The following SLC24A3 variants were observed in gnomAD, a reference collection of about 807,000 sequenced individuals.
SLC24A3 encodes sodium/potassium/calcium exchanger 3.
In SLC24A3, 28 loss-of-function variants were observed where a neutral mutation model predicts 75.8. The observed-to-expected ratio is 0.37, with a 90% CI of 0.27 to 0.51. The LOEUF (loss-of-function observed/expected upper bound fraction) is 0.51. Among genes scored for constraint, SLC24A3 ranks in the 20% least tolerant of loss-of-function variants. The pLI, the probability that SLC24A3 is intolerant of heterozygous loss-of-function variation, is 0.94. For synonymous variants in SLC24A3, 372 were observed against 334.1 expected (o/e 1.11, Z -1.24); for missense variants, 663 against 847.8 (o/e 0.78, Z 2.71).
intron 13 of SLC24A3, chr20:19,694,821 G>A (rs2032786557): frequency 6.6e-6 from 1 of 152,364 alleles, no homozygotes; most frequent in South Asian, 2.1e-4. Context: ...CACCTGAGCA[G>A]TCTGCTCCCC....
intron 6 of SLC24A3, among the ~76,000 whole-genome samples, chr20:19,595,666 A>G (rs1376625054): frequency 2.0e-5 from 3 of 152,200 alleles, no homozygotes; most frequent in African/African-American, 7.2e-5. Flanking sequence ...GGTGAACAAA[A>G]CAGGAAAGGT....
intron 2 of SLC24A3, among the ~76,000 whole-genome samples, chr20:19,289,494 C>T (rs967397453): frequency 1.3e-5 from 2 of 152,176 alleles, no homozygotes; most frequent in East Asian, 1.9e-4. Context: ...CAGGCACCCC[C>T]GGAGCAGTGA....
At chr20:19,446,865 C>T (rs1004371496) in intron 2 of SLC24A3, among the ~76,000 whole-genome samples, 3 of 152,234 alleles carry the variant, frequency 2.0e-5, no homozygotes, top group African/African-American at 4.8e-5. Context: ...TCGTCGTCAG[C>T]TGCAGCCCAT....
At chr20:19,639,939 G>A (rs1600315928) in intron 6 of SLC24A3, among the ~76,000 whole-genome samples, 2 of 152,382 alleles carry the variant, frequency 1.3e-5, no homozygotes, top group South Asian at 4.1e-4. Flanking sequence ...TGCGGGGGCT[G>A]CCAAGACCAC....
intron 1 of SLC24A3, among the ~76,000 whole-genome samples, chr20:19,251,721 C>T (rs566714022): frequency 2.0e-5 from 3 of 152,290 alleles, no homozygotes; most frequent in African/African-American, 7.2e-5. Context: ...AGAATTAAAT[C>T]TTATCTGCCT....
chr20:19,269,841 A>G (rs1482666536), intron 1 of SLC24A3, among the ~76,000 whole-genome samples: 1 of 152,016 alleles, frequency 6.6e-6, no homozygotes, highest in Non-Finnish European at 1.5e-5. Context: ...AATAGTTGAG[A>G]CCCAGCAGGC....
chr20:19,376,967 G>A (rs1436549792), intron 2 of SLC24A3, among the ~76,000 whole-genome samples: 1 of 152,288 alleles, frequency 6.6e-6, no homozygotes, highest in East Asian at 1.9e-4. Flanking sequence ...GCAGTTCAGT[G>A]TTAGCAGAGG....
At chr20:19,672,969 TC>T (rs1225996266) in intron 8 of SLC24A3, among the ~76,000 whole-genome samples, 1 of 152,182 alleles carries the variant, frequency 6.6e-6, no homozygotes, top group Non-Finnish European at 1.5e-5. Flanking sequence ...GAAAACAAGC[TC>T]CTGGTTTTTA....
chr20:19,357,127 G>A (rs1342190275), intron 2 of SLC24A3, among the ~76,000 whole-genome samples: 2 of 152,186 alleles, frequency 1.3e-5, no homozygotes, highest in African/African-American at 2.4e-5. Flanking sequence ...GAGAGAGGCA[G>A]TGGGAGATTA....
intron 2 of SLC24A3, among the ~76,000 whole-genome samples, chr20:19,465,379 G>T (rs567060424): frequency 1.1e-3 from 117 of 110,806 alleles, no homozygotes; most frequent in African/African-American, 3.6e-3. Flanking sequence ...CAGGGCTGGA[G>T]AATTTTTTTT....
chr20:19,471,414 C>G (rs184746162), intron 2 of SLC24A3, among the ~76,000 whole-genome samples: 124 of 152,290 alleles, frequency 8.1e-4, no homozygotes, highest in Non-Finnish European at 1.6e-3. Flanking sequence ...ATTGCTAATG[C>G]ATTTCTCTTT....
At chr20:19,309,742 T>C (rs1223298917) in intron 2 of SLC24A3, among the ~76,000 whole-genome samples, 3 of 152,360 alleles carry the variant, frequency 2.0e-5, no homozygotes, top group Middle Eastern at 3.4e-3. Context: ...GCTTCTTCTC[T>C]GTGTGGCAGC....
chr20:19,634,377 G>T (rs2031974139), intron 6 of SLC24A3, among the ~76,000 whole-genome samples: 1 of 152,084 alleles, frequency 6.6e-6, no homozygotes, highest in South Asian at 2.1e-4. Context: ...TTCTGCTGGG[G>T]AGACTCTAGT....
At position 19,384,790 on chromosome 20, in the gene SLC24A3, G is replaced by A. The variant is rs184270689; in HGVS notation, c.271+103703G>A. Among the ~76,000 whole-genome samples, 607 of 152,074 alleles carry A rather than the reference G, an allele frequency of 4.0e-3. 4 individuals carry two copies. The highest frequency in any genetic ancestry group is 0.014 in the African/African-American group (563 of 41,484). ...CCATAATGGTGGTACTAATTATATCGCCACCAAAAGTGTAGAAGAGTTTCT... is the reference window on the plus strand; with the variant it reads ...CCATAATGGTGGTACTAATTATATCACCACCAAAAGTGTAGAAGAGTTTCT... On this transcript the variant is annotated intron_variant, in intron 2 of 16. Transcript: ENST00000328041.
chr20:19,438,263 C>T (rs1568617953), intron 2 of SLC24A3, among the ~76,000 whole-genome samples: 1 of 152,214 alleles, frequency 6.6e-6, no homozygotes, highest in South Asian at 2.1e-4. Flanking sequence ...GGGCTTTTCA[C>T]CACTTCAGGG....
chr20:19,261,865 G>C (rs1414976575), intron 1 of SLC24A3: 2 of 152,214 alleles, frequency 1.3e-5, no homozygotes, highest in East Asian at 1.9e-4. Context: ...TAAGTCATGA[G>C]GCTTCACACT....
At chr20:19,661,667 T>C (rs958504402) in intron 7 of SLC24A3, among the ~76,000 whole-genome samples, 8 of 152,248 alleles carry the variant, frequency 5.3e-5, no homozygotes, top group African/African-American at 1.9e-4. Context: ...CAATACATGC[T>C]ATGAAGTCTT....
At chr20:19,337,617 C>T (rs1034895420) in intron 2 of SLC24A3, among the ~76,000 whole-genome samples, 1 of 152,102 alleles carries the variant, frequency 6.6e-6, no homozygotes, top group Non-Finnish European at 1.5e-5. Flanking sequence ...CCATTTATGC[C>T]TTGGGAACCC....
chr20:19,332,993 A>G (rs914529308), intron 2 of SLC24A3, among the ~76,000 whole-genome samples: 5 of 152,150 alleles, frequency 3.3e-5, no homozygotes, highest in Non-Finnish European at 5.9e-5. Context: ...TAGCAGGCTA[A>G]AGGGGCTGTG....
Sources: gnomAD v4.1 joint callset for allele counts (sites outside exome capture counted in the v4.1 genomes callset) on GRCh38, gnomAD v4.1.1 for gene constraint, MANE v1.5 for transcripts, NCBI Gene and HGNC (gene_info 2026-07-23, HGNC 2026-07-21) for gene names.